DLG2: variants seen among roughly 807,000 people sequenced by gnomAD.
DLG2 encodes discs large MAGUK scaffold protein 2.
In DLG2, 45 loss-of-function variants were observed where a neutral mutation model predicts 132.5. The ratio of observed to expected loss-of-function variants is 0.34; its 90% confidence interval spans 0.27 to 0.44. The LOEUF (loss-of-function observed/expected upper bound fraction) is 0.44. DLG2 is among the 20% of genes least tolerant of loss of function. DLG2 has a pLI of 1.00. For missense variants in DLG2, 1,045 were observed against 1,196.9 expected, an observed-to-expected ratio of 0.87 and a Z score of 1.87; for synonymous variants, 424 against 419.6, an observed-to-expected ratio of 1.01 and a Z score of -0.13.
chr11:84,125,392 C>G (rs918024331), intron 9 of DLG2, among the ~76,000 whole-genome samples: 2 of 152,132 alleles, frequency 1.3e-5, no homozygotes, highest in African/African-American at 4.8e-5. Flanking sequence ...CAAAGGCAAG[C>G]AGGTGAGAAT....
At chr11:84,831,012 C>T (rs1303186671) in intron 6 of DLG2, among the ~76,000 whole-genome samples, 2 of 127,258 alleles carry the variant, frequency 1.6e-5, no homozygotes, top group South Asian at 5.3e-4. Flanking sequence ...AAAAGAAGCA[C>T]TTCATAATAC....
intron 19 of DLG2, among the ~76,000 whole-genome samples, chr11:83,613,931 T>G (rs569401731): frequency 6.6e-6 from 1 of 152,156 alleles, no homozygotes; most frequent in African/African-American, 2.4e-5. Flanking sequence ...CATCAAGGTT[T>G]TGAAGAGCTC....
intron 6 of DLG2, among the ~76,000 whole-genome samples, chr11:84,616,558 A>G (rs1425798489): frequency 2.0e-5 from 3 of 152,150 alleles, no homozygotes; most frequent in Non-Finnish European, 2.9e-5. Context: ...AAAATCTCAC[A>G]GTGATGATGT....
intron 3 of DLG2, among the ~76,000 whole-genome samples, chr11:85,420,677 A>G (rs2090222471): frequency 6.6e-6 from 1 of 152,218 alleles, no homozygotes; most frequent in Non-Finnish European, 1.5e-5. Context: ...TGGCTTTGCC[A>G]AGCTGTGGTG....
intron 6 of DLG2, among the ~76,000 whole-genome samples, chr11:85,018,816 C>CT (rs1356601053): frequency 6.8e-6 from 1 of 148,136 alleles, no homozygotes; most frequent in Non-Finnish European, 1.5e-5. Context: ...GTCCAAATTC[C>CT]TGGCTTAATA....
At chr11:85,621,358 A>G (rs1315984384) in intron 2 of DLG2, among the ~76,000 whole-genome samples, 5 of 152,364 alleles carry the variant, frequency 3.3e-5, no homozygotes, top group Admixed American at 1.3e-4. Context: ...TGCAGGCCAC[A>G]GATGAAGGAG....
intron 7 of DLG2, among the ~76,000 whole-genome samples, chr11:84,370,742 A>T (rs1017215535): frequency 1.3e-5 from 2 of 152,150 alleles, no homozygotes; most frequent in Non-Finnish European, 2.9e-5. Flanking sequence ...TCTCTGCGTT[A>T]TAGGTTCGTT....
chr11:85,147,699 T>C (rs1405830467), intron 5 of DLG2, among the ~76,000 whole-genome samples: 2 of 152,192 alleles, frequency 1.3e-5, no homozygotes, highest in Non-Finnish European at 2.9e-5. Flanking sequence ...CCCAAAGTTA[T>C]TTAACTACTG....
chr11:84,691,335 C>T (rs950944628), intron 6 of DLG2, among the ~76,000 whole-genome samples: 10 of 151,766 alleles, frequency 6.6e-5, no homozygotes, highest in Middle Eastern at 3.4e-3. Context: ...AACATTTGTA[C>T]GTGTTTAGAA....
chr11:83,668,857 A>G lies in DLG2; in HGVS notation c.1826-35532T>C, dbSNP rs1473566141. On this transcript the variant is annotated intron_variant, in intron 18 of 27. Coordinates refer to ENST00000376104, the MANE Select transcript of DLG2 (RefSeq NM_001142699.3). ...TATATAAACACACACACACATATAT[A>G]TATATATATATTTTTTTTTTATGAT... Among the ~76,000 whole-genome samples the G allele has an allele frequency of 1.7e-5, 2 of 120,740 alleles. 1 individual carries two copies. Among genetic ancestry groups the G allele is most frequent in the Non-Finnish European group, 3.3e-5 (2 of 60,560 alleles). 79.2% of individuals were successfully genotyped at this position (120,740 alleles called of 152,430 possible). A position where few individuals can be genotyped will look rare whatever the true frequency, so the allele number is the denominator to read the frequency against.
chr11:84,461,845 C>T (rs2099081162), intron 7 of DLG2, among the ~76,000 whole-genome samples: 1 of 150,636 alleles, frequency 6.6e-6, no homozygotes, highest in African/African-American at 2.4e-5. Context: ...GCAGCAACTA[C>T]ATTTTATGTA....
chr11:84,426,736 C>G (rs1196058111), intron 7 of DLG2, among the ~76,000 whole-genome samples: 1 of 152,072 alleles, frequency 6.6e-6, no homozygotes, highest in Admixed American at 6.6e-5. Flanking sequence ...TCAAGTGATA[C>G]ATTTATCAGC....
chr11:83,703,272 A>G (rs1193185917), intron 18 of DLG2, among the ~76,000 whole-genome samples: 1 of 152,262 alleles, frequency 6.6e-6, no homozygotes, highest in East Asian at 1.9e-4. Context: ...AACAGTGACA[A>G]AGAAACAAAA....
intron 21 of DLG2, among the ~76,000 whole-genome samples, chr11:83,498,524 A>T (rs2094271501): frequency 6.6e-6 from 1 of 152,000 alleles, no homozygotes; most frequent in African/African-American, 2.4e-5. Context: ...AAGACACAAG[A>T]TACCAAAATT....
At chr11:84,603,326 T>C (rs903550205) in intron 6 of DLG2, among the ~76,000 whole-genome samples, 15 of 151,918 alleles carry the variant, frequency 9.9e-5, no homozygotes, top group Non-Finnish European at 1.6e-4. Context: ...TATTTCTAAA[T>C]GAAAAAATGA....
chr11:84,308,491 A>G (rs887897397), intron 7 of DLG2, among the ~76,000 whole-genome samples: 3 of 152,204 alleles, frequency 2.0e-5, no homozygotes, highest in Admixed American at 6.5e-5. Context: ...GGCTTCACCC[A>G]GTGGATCCCG....
intron 6 of DLG2, among the ~76,000 whole-genome samples, chr11:84,964,483 A>G (rs2053043890): frequency 6.6e-6 from 1 of 152,100 alleles, no homozygotes; most frequent in African/African-American, 2.4e-5. Flanking sequence ...TTCCATTTTC[A>G]TCTATTCTAT....
At chr11:84,079,153 T>G (rs2096868262) in intron 10 of DLG2, among the ~76,000 whole-genome samples, 1 of 152,238 alleles carries the variant, frequency 6.6e-6, no homozygotes, top group South Asian at 2.1e-4. Context: ...TCATTAAGAT[T>G]TATAAAGTTT....
At chr11:84,221,756 T>C (rs2096919025) in intron 8 of DLG2, among the ~76,000 whole-genome samples, 1 of 152,164 alleles carries the variant, frequency 6.6e-6, no homozygotes, top group Non-Finnish European at 1.5e-5. Context: ...GCAAGGACTC[T>C]CTTTGCTTAT....
Sources: gnomAD v4.1 joint callset for allele counts (sites outside exome capture counted in the v4.1 genomes callset) on GRCh38, gnomAD v4.1.1 for gene constraint, MANE v1.5 for transcripts, NCBI Gene and HGNC (gene_info 2026-07-23, HGNC 2026-07-21) for gene names.